TPX2: variants seen among roughly 807,000 people sequenced by gnomAD.
TPX2 encodes the protein targeting protein for Xklp2.
TPX2 carries 21 observed loss-of-function variants against 93.6 expected under a neutral mutation model. The observed-to-expected ratio is 0.22, with a 90% CI of 0.16 to 0.32. The LOEUF (loss-of-function observed/expected upper bound fraction) is 0.32. TPX2 is among the 10% of genes least tolerant of loss of function. TPX2 has a pLI of 1.00. For synonymous variants in TPX2, 281 were observed against 298.3 expected, an observed-to-expected ratio of 0.94 and a Z score of 0.60; for missense variants, 776 against 871.1, an observed-to-expected ratio of 0.89 and a Z score of 1.37.
intron 2 of TPX2, among the ~76,000 whole-genome samples, chr20:31,755,944 A>G (rs12481724): frequency 0.088 from 13,341 of 152,212 alleles, 661 homozygotes; most frequent in African/African-American, 0.14. Context: ...CTTCGTACGC[A>G]GGAGTAGGGA....
chr20:31,776,036 C>T (rs1600379684), intron 8 of TPX2, 48 bp downstream of exon 8: 1 of 514,288 alleles, frequency 1.9e-6, no homozygotes, highest in Non-Finnish European at 2.9e-6. Flanking sequence ...TGGTTCTTAA[C>T]ACTCTTGGTA....
chr20:31,771,979 G>C (rs1393325512), intron 7 of TPX2, among the ~76,000 whole-genome samples: 1 of 150,958 alleles, frequency 6.6e-6, no homozygotes, highest in Non-Finnish European at 1.5e-5. Context: ...AGCCTCCCAA[G>C]TAGCTGGGAC....
chr20:31,741,159 C>T (rs2061750941), intron 1 of TPX2, among the ~76,000 whole-genome samples: 1 of 152,090 alleles, frequency 6.6e-6, no homozygotes, highest in African/African-American at 2.4e-5. Context: ...GTTAATTTTC[C>T]TTCAGCTTTT....
intron 2 of TPX2, among the ~76,000 whole-genome samples, chr20:31,748,149 T>C (rs2061795577): frequency 6.6e-6 from 1 of 152,172 alleles, no homozygotes; most frequent in Non-Finnish European, 1.5e-5. Flanking sequence ...TAGACCAAAA[T>C]ATAGCTTAAA....
At position 31,770,394 on chromosome 20, in the gene TPX2, T is replaced by A; in HGVS notation, c.408T>A (p.His136Gln). 6.2e-7 allele frequency: 1 copy of A among 1,606,688 alleles called. No homozygotes were observed. Among genetic ancestry groups the A allele is most frequent in the Non-Finnish European group, 8.5e-7 (1 of 1,176,056 alleles). ...AQKDLEQKEK[H>Q]HVKMKAKRCA... The stretch of plus-strand genomic sequence containing the variant: ...AGGATTTGGAACAGAAAGAAAAGCA[T>A]CATGTAAAAATGAAAGCCAAGAGAT... The change falls in exon 6 of 18, where the codon CAT (histidine) becomes CAA (glutamine). Residue 136 changes from histidine (H) to glutamine (Q), a missense_variant. Physicochemically the swap from His to Gln is conservative, Grantham distance 24. Coordinates refer to ENST00000300403, the MANE Select transcript of TPX2 (RefSeq NM_012112.5).
At chr20:31,783,483 T>A (rs944039060) in intron 11 of TPX2, among the ~76,000 whole-genome samples, 1 of 152,136 alleles carries the variant, frequency 6.6e-6, no homozygotes, top group African/African-American at 2.4e-5. Context: ...ACTCCTGACC[T>A]CAAATTATCT....
At chr20:31,782,462 T>G (rs2062039099) in intron 11 of TPX2, 72 bp downstream of exon 11, 1 of 1,520,152 alleles carries the variant, frequency 6.6e-7, no homozygotes, top group East Asian at 2.3e-5. Context: ...TCTGTTAGGG[T>G]GACAGTTGCT....
At chr20:31,748,801 C>A (rs537171497) in intron 2 of TPX2, among the ~76,000 whole-genome samples, 2 of 152,234 alleles carry the variant, frequency 1.3e-5, no homozygotes, top group Admixed American at 1.3e-4. Flanking sequence ...ATAAAGACAT[C>A]TATCTATTGT....
intron 4 of TPX2, among the ~76,000 whole-genome samples, chr20:31,761,824 C>G (rs1430244791): frequency 6.6e-6 from 1 of 152,016 alleles, no homozygotes; most frequent in Non-Finnish European, 1.5e-5. Context: ...TTTTGAGGAG[C>G]CTCCATACTG....
chr20:31,783,738 A>C lies in TPX2; in HGVS notation c.1230A>C (p.Arg410Ser). 3.1e-6 allele frequency: 5 copies of C among 1,611,320 alleles called. No homozygotes were observed. Among genetic ancestry groups the C allele is most frequent in the Non-Finnish European group, 4.2e-6 (5 of 1,179,360 alleles). Residue 410 changes from arginine to serine, a missense_variant, in exon 12 of 18, where the codon AGA becomes AGC. Physicochemically the swap from Arg to Ser is moderately radical, Grantham distance 110. Transcript: ENST00000300403. ...YKFKARELDP[R>S]ILEGGPILPK... ...TCAAAGCACGTGAACTTGATCCCAG[A>C]ATACTTGAAGGTGGGCCCATCTTGC...
intron 2 of TPX2, among the ~76,000 whole-genome samples, chr20:31,747,653 T>C (rs2061792379): frequency 6.6e-6 from 1 of 152,210 alleles, no homozygotes; most frequent in Non-Finnish European, 1.5e-5. Context: ...ATGCAGAATA[T>C]TTCTAGTTTT....
intron 1 of TPX2, among the ~76,000 whole-genome samples, chr20:31,739,976 G>T (rs1188670599): frequency 6.6e-6 from 1 of 152,174 alleles, no homozygotes; most frequent in Non-Finnish European, 1.5e-5. Flanking sequence ...TCCACTTGGA[G>T]TTGTCTTCTA....
intron 15 of TPX2, among the ~76,000 whole-genome samples, chr20:31,795,135 CTT>C (rs1304297429): frequency 6.7e-6 from 1 of 148,556 alleles, no homozygotes; most frequent in African/African-American, 2.5e-5. Context: ...GTTTTCAACT[CTT>C]TTTTTGTTTG....
chr20:31,773,167 T>G (rs1216657154), intron 7 of TPX2, among the ~76,000 whole-genome samples: 2 of 145,824 alleles, frequency 1.4e-5, no homozygotes, highest in African/African-American at 2.5e-5. Context: ...TTTTTTTTTT[T>G]GTGAGACGGA....
Position 31,783,885 on chromosome 20 carries a change from C to T in TPX2, c.1377C>T (p.Ser459=), listed in dbSNP as rs757487067. The change falls in exon 12 of 18, where the codon TCC becomes TCT. Residue 459 remains serine (S), a synonymous_variant. Coordinates refer to ENST00000300403, the MANE Select transcript of TPX2 (RefSeq NM_012112.5). The stretch of plus-strand genomic sequence containing the variant: ...AGGATGAACACTTTGAATTTCATTC[C>T]AGACCTTGCCCTACTAAGATTTTGG... ...KTEDEHFEFH[S]RPCPTKILED... The T allele has an allele frequency of 2.1e-5, 34 of 1,611,372 alleles. No individual in the cohort carries two copies. The highest frequency in any genetic ancestry group is 2.8e-5 in the Non-Finnish European group (33 of 1,179,506).
chr20:31,785,173 T>C (rs755593854), intron 12 of TPX2, among the ~76,000 whole-genome samples: 1 of 152,238 alleles, frequency 6.6e-6, no homozygotes, highest in African/African-American at 2.4e-5. Context: ...GCTTTTTGCG[T>C]GACTTCTGTT....
chr20:31,750,452 CTATTTATTTATT>C (rs60982252), intron 2 of TPX2, among the ~76,000 whole-genome samples: 3,960 of 146,728 alleles, frequency 0.027, 143 homozygotes, highest in African/African-American at 0.082. Flanking sequence ...CCGTGCCCGG[CTATTTATTTATT>C]TATTTATTTA....
At chr20:31,760,027 T>A in intron 3 of TPX2, 30 bp from the exon 4 acceptor site, 1 of 1,609,246 alleles carries the variant, frequency 6.2e-7, no homozygotes. Context: ...TCCTTGCTGA[T>A]CAGACAATGA....
chr20:31,799,927 G>A (rs2062160055), intron 17 of TPX2, among the ~76,000 whole-genome samples: 1 of 144,940 alleles, frequency 6.9e-6, no homozygotes, highest in South Asian at 2.2e-4. Flanking sequence ...AAAAAGAAGT[G>A]TAAGTTGTTG....
Sources: allele counts gnomAD v4.1 joint callset (sites outside exome capture counted in the v4.1 genomes callset), GRCh38; gene constraint gnomAD v4.1.1; transcripts MANE v1.5; gene names NCBI Gene and HGNC (gene_info 2026-07-23, HGNC 2026-07-21).